CIT: variants seen among roughly 807,000 people sequenced by gnomAD.
CIT encodes citron rho-interacting serine/threonine kinase, also known as citron Rho-interacting kinase.
CIT carries 79 observed loss-of-function variants against 272.7 expected under a neutral mutation model. The observed-to-expected ratio is 0.29, with a 90% CI of 0.24 to 0.35. The LOEUF (loss-of-function observed/expected upper bound fraction) is 0.35, where lower values mean the gene tolerates loss of function less well. Ranked by LOEUF, CIT falls within the 10% of genes least tolerant of loss-of-function variation. The pLI is 1.00. For synonymous variants in CIT, 948 were observed against 995.6 expected, an observed-to-expected ratio of 0.95 and a Z score of 0.90; for missense variants, 1,909 against 2,618.3, an observed-to-expected ratio of 0.73 and a Z score of 5.91.
rs1448933021 is a variant in CIT at position 119,804,349 on chromosome 12, T to C, written c.1112-960A>G. ...CCATGGTTGCAAGCTGAGGCGTCCGTGGCGGGCCAGCCAGGCGAGTTAGAG... is the reference window on the plus strand; with the variant it reads ...CCATGGTTGCAAGCTGAGGCGTCCGCGGCGGGCCAGCCAGGCGAGTTAGAG... On this transcript the variant is annotated intron_variant, in intron 9 of 47. Transcript: ENST00000392521. The surrounding 1 kb of genome is among the most constrained non-coding windows in gnomAD (Gnocchi z 5.3). The C allele has an allele frequency of 1.4e-5, 14 of 985,600 alleles. No individual in the cohort carries two copies. The East Asian group carries it at 1.1e-3, about 80-fold the overall frequency. 61.1% of individuals were successfully genotyped at this position (985,600 alleles called of 1,614,324 possible). A position where few individuals can be genotyped will look rare whatever the true frequency, so the allele number is the denominator to read the frequency against.
chr12:119,767,816 A>C (rs1055219436), intron 18 of CIT, among the ~76,000 whole-genome samples: 1 of 152,190 alleles, frequency 6.6e-6, no homozygotes, highest in Non-Finnish European at 1.5e-5. Context: ...ATGACATAAA[A>C]ATGTACAGAC....
chr12:119,784,116 A>G lies in CIT; in HGVS notation c.1402-65T>C. The G allele has an allele frequency of 6.3e-7, 1 of 1,591,408 alleles. No homozygotes were observed. The highest frequency in any genetic ancestry group is 8.6e-7 in the Non-Finnish European group (1 of 1,161,750). On this transcript the variant is annotated intron_variant, in intron 11 of 47. Coordinates refer to ENST00000392521, the MANE Select transcript of CIT (RefSeq NM_001206999.2). The surrounding 1 kb of genome is among the most constrained non-coding windows in gnomAD (Gnocchi z 4.7). ...GGTTCATTAGGAGCAATCACATCTC[A>G]AGTAGCCTCCGAAACCACCTGGTGG...
At chr12:119,859,062 AG>A (rs61197193) in intron 3 of CIT, among the ~76,000 whole-genome samples, 8,797 of 152,294 alleles carry the variant, frequency 0.058, 572 homozygotes, top group East Asian at 0.38. Context: ...TTAACACTCT[AG>A]ATACACTGAT....
rs200052993 is a variant in CIT at position 119,803,380 on chromosome 12, G to A, written c.1121C>T (p.Pro374Leu). 30 of 1,566,938 alleles carry A rather than the reference G, an allele frequency of 1.9e-5. No homozygotes were observed. Among genetic ancestry groups the A allele is most frequent in the East Asian group, 9.4e-5 (4 of 42,602 alleles). ...GTCAGACTTGAGGGTGGGAACGAAG[G>A]GGGGAGGAGCTGGTTAAAGAAAAAC... ...DWNNIRNSPP[P>L]FVPTLKSDDD... is the part of the protein sequence containing the mutation. The change falls in exon 10 of 48, where the codon CCC becomes CTC. Residue 374 changes from proline to leucine, a missense_variant. Physicochemically the swap from Pro to Leu is moderately conservative, Grantham distance 98. Around this residue, in one of 8 missense-constraint regions of CIT, gnomAD observed 529 missense variants for 549.6 expected, o/e 0.96. Coordinates refer to ENST00000392521, the MANE Select transcript of CIT (RefSeq NM_001206999.2).
chr12:119,752,924 G>A (rs1176996197), intron 22 of CIT, among the ~76,000 whole-genome samples: 2 of 152,152 alleles, frequency 1.3e-5, no homozygotes, highest in African/African-American at 2.4e-5. Context: ...CAAGTGCAAC[G>A]GTCAGGACAT....
intron 5 of CIT, among the ~76,000 whole-genome samples, chr12:119,836,762 C>T (rs540901303): frequency 5.4e-4 from 82 of 152,248 alleles, no homozygotes; most frequent in African/African-American, 1.9e-3. Context: ...GCAGAGCAGC[C>T]ACCGGCAACT....
At chr12:119,735,451 A>C in intron 24 of CIT, 94 bp from the exon 25 acceptor site, 1 of 1,249,864 alleles carries the variant, frequency 8.0e-7, no homozygotes, top group Non-Finnish European at 1.2e-6. Flanking sequence ...CCCACGTGAC[A>C]CTGGCAATCA....
chr12:119,848,044 C>A (rs968636481), intron 5 of CIT, among the ~76,000 whole-genome samples: 1 of 152,182 alleles, frequency 6.6e-6, no homozygotes, highest in Non-Finnish European at 1.5e-5. Context: ...CCAAGGTCAT[C>A]TGTGAAGGTG....
At chr12:119,748,478 C>A (rs574688359) in intron 23 of CIT, among the ~76,000 whole-genome samples, 1 of 152,186 alleles carries the variant, frequency 6.6e-6, no homozygotes, top group African/African-American at 2.4e-5. Context: ...GATTCTAGAA[C>A]GGTTAGGCTT....
intron 24 of CIT, among the ~76,000 whole-genome samples, chr12:119,739,110 C>T (rs548334973): frequency 8.5e-5 from 13 of 152,146 alleles, no homozygotes; most frequent in African/African-American, 3.1e-4. Context: ...TAAACAGACA[C>T]AGGACTGAAA....
At chr12:119,743,329 T>C (rs1959153119) in intron 23 of CIT, among the ~76,000 whole-genome samples, 1 of 151,636 alleles carries the variant, frequency 6.6e-6, no homozygotes, top group South Asian at 2.1e-4. Context: ...CTGAAACCTA[T>C]AGGATGATGA....
At chr12:119,832,724 T>G (rs4767849) in intron 7 of CIT, 47 bp downstream of exon 7, 1 of 1,482,228 alleles carries the variant, frequency 6.7e-7, no homozygotes, top group Non-Finnish European at 9.4e-7. Context: ...GGACCAAGAA[T>G]ACTTTTTAGT....
At chr12:119,703,458 C>T (rs955760689) in intron 41 of CIT, among the ~76,000 whole-genome samples, 3 of 126,632 alleles carry the variant, frequency 2.4e-5, no homozygotes, top group Non-Finnish European at 4.7e-5. Context: ...TGGAGTCTTG[C>T]TCTGTTGCCC....
At chr12:119,853,200 A>T (rs1970346387) in intron 4 of CIT, among the ~76,000 whole-genome samples, 1 of 150,482 alleles carries the variant, frequency 6.6e-6, no homozygotes, top group South Asian at 2.1e-4. Context: ...GGTGGAGTGC[A>T]CCTGTAATCA....
chr12:119,873,381 G>A (rs1333337475), intron 2 of CIT, among the ~76,000 whole-genome samples: 1 of 150,000 alleles, frequency 6.7e-6, no homozygotes, highest in Non-Finnish European at 1.5e-5. Context: ...GGGCTCAAGT[G>A]ATCCTCCTGC....
intron 9 of CIT, among the ~76,000 whole-genome samples, chr12:119,816,106 T>G (rs1295725921): frequency 6.6e-6 from 1 of 152,160 alleles, no homozygotes; most frequent in East Asian, 1.9e-4. Flanking sequence ...TAAAGCACTT[T>G]GCAGAGCTCC....
chr12:119,815,208 A>C (rs1463650913), intron 9 of CIT, among the ~76,000 whole-genome samples: 2 of 151,708 alleles, frequency 1.3e-5, no homozygotes, highest in East Asian at 3.9e-4. Flanking sequence ...AAATAATGTC[A>C]AAATCATGAT....
In CIT at chr12:119,721,332, C is replaced by G; in HGVS notation, c.3709G>C (p.Glu1237Gln). 1 of 1,605,394 alleles carries G rather than the reference C, an allele frequency of 6.2e-7. No individual in the cohort carries two copies. The highest frequency in any genetic ancestry group is 8.5e-7 in the Non-Finnish European group (1 of 1,173,182). The part of the protein sequence containing the change: ...DLLKTERSDL[E>Q]YQLENIQVLY... ...ACCTGAATGTTTTCCAGCTGATACT[C>G]CAAGTCACTTCTTTCTGTCTTCAGT... Residue 1237 changes from glutamate to glutamine, a missense_variant, in exon 29 of 48, where the codon GAG (glutamate) becomes CAG (glutamine). Glu to Gln is a conservative substitution (Grantham distance 29). This residue lies in a region of CIT where 14 missense variants were observed against 44.1 expected (regional missense o/e 0.32). Transcript: ENST00000392521.
chr12:119,804,026 C>A lies in CIT; in HGVS notation c.1112-637G>T, dbSNP rs569408011. On this transcript the variant is annotated intron_variant, in intron 9 of 47. Transcript: ENST00000392521. The surrounding 1 kb of genome is among the most constrained non-coding windows in gnomAD (Gnocchi z 5.3). The stretch of plus-strand genomic sequence containing the variant: ...TTAGTTCATTATGCATCTTCCCCAG[C>A]GCAATCATGCCCATCAAATCCACTG... 5.7e-6 allele frequency: 2 copies of A among 350,298 alleles called. No individual in the cohort carries two copies. The highest frequency in any genetic ancestry group is 6.5e-5 in the Admixed American group (1 of 15,444). The allele number at this position is 350,298 out of a possible 1,614,324, so 21.7% of individuals were successfully genotyped here.
Sources: gnomAD v4.1 joint callset for allele counts (sites outside exome capture counted in the v4.1 genomes callset) on GRCh38, gnomAD v4.1.1 for gene constraint, gnomAD v4.1.1 regional missense constraint, Gnocchi (gnomAD v3.1) non-coding constraint, MANE v1.5 for transcripts, NCBI Gene and HGNC (gene_info 2026-07-23, HGNC 2026-07-21) for gene names.